The following WAC variants were observed in gnomAD, a reference collection of about 807,000 sequenced individuals.
The protein encoded by WAC is WW domain containing adaptor with coiled-coil, also known as WW domain-containing adapter protein with coiled-coil.
A neutral mutation model predicts 79.6 loss-of-function variants in WAC; 11 were observed. That is an observed-to-expected ratio of 0.14 (90% CI 0.09 to 0.23). WAC has a LOEUF of 0.23. WAC is among the 10% of genes least tolerant of loss of function. WAC has a pLI of 1.00. For missense variants in WAC, 728 were observed against 773.5 expected, an observed-to-expected ratio of 0.94 and a Z score of 0.70; for synonymous variants, 304 against 276.9, an observed-to-expected ratio of 1.10 and a Z score of -0.97.
At position 28,579,558 on chromosome 10, in the gene WAC, G is replaced by A. The variant is rs948467996; in HGVS notation, c.275-3841G>A. Among the ~76,000 whole-genome samples the A allele has an allele frequency of 5.9e-5, 9 of 152,184 alleles. No individual in the cohort carries two copies. In the East Asian group the frequency reaches 1.4e-3, roughly 23 times the overall value. On this transcript the variant is annotated intron_variant, in intron 3 of 13. Coordinates refer to ENST00000354911, the MANE Select transcript of WAC (RefSeq NM_016628.5). ...AAAGAAATCTAAAACTTGTGAGGTC[G>A]CATATAAAAATTCATGTGATATTTT...
chr10:28,573,211 A>AT (rs35031437), intron 3 of WAC, among the ~76,000 whole-genome samples: 2 of 151,852 alleles, frequency 1.3e-5, no homozygotes, highest in Non-Finnish European at 2.9e-5. Flanking sequence ...ATTCCTGATT[A>AT]TTTTTAAAAA....
At chr10:28,607,492 T>C (rs1841016818) in intron 7 of WAC, among the ~76,000 whole-genome samples, 2 of 152,222 alleles carry the variant, frequency 1.3e-5, no homozygotes, top group Non-Finnish European at 2.9e-5. Context: ...CCATGCGTAT[T>C]TTATACATCC....
chr10:28,548,742 G>A (rs1434288716), intron 3 of WAC, among the ~76,000 whole-genome samples: 1 of 152,112 alleles, frequency 6.6e-6, no homozygotes, highest in African/African-American at 2.4e-5. Flanking sequence ...TTGGGAATAC[G>A]AGACTAGGTC....
intron 3 of WAC, among the ~76,000 whole-genome samples, chr10:28,538,813 G>T (rs1199446041): frequency 6.1e-5 from 9 of 147,380 alleles, no homozygotes; most frequent in African/African-American, 2.3e-4. Flanking sequence ...ACAGTGAGCT[G>T]TGGTTGTGCC....
In WAC at chr10:28,622,844, C is replaced by G. The variant is rs1408805653; in HGVS notation, c.*3238C>G. 2.0e-5 allele frequency: 3 copies of G among 152,092 alleles called. No homozygotes were observed. The highest frequency in any genetic ancestry group is 4.4e-5 in the Non-Finnish European group (3 of 68,008). The allele number at this position is 152,092 out of a possible 1,614,324, so 9.4% of individuals were successfully genotyped here. ...GGAGAGGGCAACGCGGGAAATAATT[C>G]ACTCTGCGCACCGGAACTATTGTAG... is the stretch of plus-strand genomic sequence containing the variant. On this transcript the variant is annotated 3_prime_UTR_variant, in exon 14 of 14. Coordinates refer to ENST00000354911, the MANE Select transcript of WAC (RefSeq NM_016628.5).
intron 3 of WAC, among the ~76,000 whole-genome samples, chr10:28,554,024 G>A (rs1451796547): frequency 1.3e-5 from 2 of 152,040 alleles, no homozygotes; most frequent in South Asian, 2.1e-4. Context: ...ATACCACCAC[G>A]CCTGGCTAAT....
At chr10:28,541,331 G>T (rs907035686) in intron 3 of WAC, among the ~76,000 whole-genome samples, 3 of 150,964 alleles carry the variant, frequency 2.0e-5, no homozygotes, top group African/African-American at 7.3e-5. Context: ...CTGGGCATTT[G>T]GGATGCTATA....
At chr10:28,575,842 C>G (rs187963358) in intron 3 of WAC, among the ~76,000 whole-genome samples, 30 of 152,312 alleles carry the variant, frequency 2.0e-4, no homozygotes, top group Admixed American at 1.4e-3. Context: ...TTTTAAAACT[C>G]TCCTGTCGCA....
intron 3 of WAC, among the ~76,000 whole-genome samples, chr10:28,578,393 C>T (rs1839359509): frequency 1.3e-5 from 2 of 152,108 alleles, no homozygotes; most frequent in South Asian, 4.1e-4. Context: ...AGAATAAAGA[C>T]ACTAAGACTT....
In WAC at chr10:28,533,178, G is replaced by A. The variant is rs1273126903; in HGVS notation, c.-402G>A. Reference sequence around the variant, plus strand: ...CGGCACCAGCGGCGGCGGCGGCGGCGGGAGGAGGAGGAGGAGAAGAAGGAC... The same window carrying A: ...CGGCACCAGCGGCGGCGGCGGCGGCAGGAGGAGGAGGAGGAGAAGAAGGAC... On this transcript the variant is annotated 5_prime_UTR_variant, in exon 1 of 14. Transcript: ENST00000354911. 3.5e-3 allele frequency: 594 copies of A among 169,836 alleles called. 4 individuals are homozygous for A. The highest frequency in any genetic ancestry group is 5.2e-3 in the Middle Eastern group (2 of 384). The allele number at this position is 169,836 out of a possible 1,614,324, so 10.5% of individuals were successfully genotyped here.
At chr10:28,565,969 T>C (rs963727308) in intron 3 of WAC, among the ~76,000 whole-genome samples, 1 of 152,166 alleles carries the variant, frequency 6.6e-6, no homozygotes, top group African/African-American at 2.4e-5. Flanking sequence ...GAGCACAATC[T>C]AGAATCTGAC....
chr10:28,553,099 T>G (rs1279152571), intron 3 of WAC, among the ~76,000 whole-genome samples: 1 of 152,162 alleles, frequency 6.6e-6, no homozygotes, highest in African/African-American at 2.4e-5. Context: ...CCAATGTTCA[T>G]TTAATATTTT....
chr10:28,584,272 A>C (rs1379976663), intron 4 of WAC, among the ~76,000 whole-genome samples: 1 of 152,182 alleles, frequency 6.6e-6, no homozygotes. Flanking sequence ...GCTGACTAAA[A>C]CTTGGGCAGT....
At chr10:28,603,899 A>C (rs1338784491) in intron 7 of WAC, among the ~76,000 whole-genome samples, 3 of 139,710 alleles carry the variant, frequency 2.1e-5, no homozygotes, top group Admixed American at 7.6e-5. Flanking sequence ...GCACCACTGC[A>C]CTCCAGCCTG....
chr10:28,580,618 G>A (rs752934366), intron 3 of WAC, among the ~76,000 whole-genome samples: 2 of 151,964 alleles, frequency 1.3e-5, no homozygotes, highest in East Asian at 1.9e-4. Flanking sequence ...CATTACTGTC[G>A]ACAAACTTAA....
chr10:28,602,061 G>C (rs572299943), intron 7 of WAC, among the ~76,000 whole-genome samples: 21 of 152,194 alleles, frequency 1.4e-4, no homozygotes, highest in African/African-American at 4.8e-4. Context: ...ACTTTACCAG[G>C]GTAAAAACAA....
chr10:28,541,420 G>T (rs2486641), intron 3 of WAC, among the ~76,000 whole-genome samples: 30,230 of 48,506 alleles, frequency 0.62, 8,598 homozygotes, highest in East Asian at 0.67. Flanking sequence ...TGTGTGTTTT[G>T]TTTTTTTTTT....
At chr10:28,561,952 A>G (rs1838321321) in intron 3 of WAC, among the ~76,000 whole-genome samples, 1 of 152,170 alleles carries the variant, frequency 6.6e-6, no homozygotes, top group Non-Finnish European at 1.5e-5. Flanking sequence ...TTGAATTGGA[A>G]TTGTTGGGAA....
At chr10:28,548,792 G>A (rs897184008) in intron 3 of WAC, among the ~76,000 whole-genome samples, 9 of 152,154 alleles carry the variant, frequency 5.9e-5, no homozygotes, top group Admixed American at 2.0e-4. Context: ...AATGTTTGCT[G>A]TCTGAGCTGT....
Sources: allele counts gnomAD v4.1 joint callset (sites outside exome capture counted in the v4.1 genomes callset), GRCh38; gene constraint gnomAD v4.1.1; transcripts MANE v1.5; gene names NCBI Gene and HGNC (gene_info 2026-07-23, HGNC 2026-07-21).